PSD3: variants seen among roughly 807,000 people sequenced by gnomAD.
The protein encoded by PSD3 is PH and SEC7 domain-containing protein 3.
Under a neutral mutation model 105.5 loss-of-function variants are expected in PSD3, and 49 were observed. That is an observed-to-expected ratio of 0.46 (90% CI 0.37 to 0.59). PSD3 has a LOEUF of 0.59. PSD3 is among the 20% of genes least tolerant of loss of function. The pLI, the probability that PSD3 is intolerant of heterozygous loss-of-function variation, is 0.00. For missense variants in PSD3, 1,561 were observed against 1,263.8 expected (o/e 1.24, Z -3.57); for synonymous variants, 557 against 457.8 (o/e 1.22, Z -2.77).
At chr8:18,672,929 C>T (rs1473945259) in intron 9 of PSD3, among the ~76,000 whole-genome samples, 1 of 152,010 alleles carries the variant, frequency 6.6e-6, no homozygotes, top group Non-Finnish European at 1.5e-5. Flanking sequence ...TTATTCCAGT[C>T]TCGTATGTAC....
At chr8:18,672,361 C>T (rs1799833182) in intron 9 of PSD3, among the ~76,000 whole-genome samples, 1 of 151,986 alleles carries the variant, frequency 6.6e-6, no homozygotes, top group South Asian at 2.1e-4. Flanking sequence ...AAAACAATCC[C>T]TGGGGGACTT....
chr8:18,659,379 A>C (rs1457903546), intron 9 of PSD3, among the ~76,000 whole-genome samples: 1 of 152,262 alleles, frequency 6.6e-6, no homozygotes, highest in African/African-American at 2.4e-5. Flanking sequence ...AAGAACCAAC[A>C]AAATGGGATT....
rs776300378 is a variant in PSD3 at position 18,871,990 on chromosome 8, G to A, written c.874C>T (p.Arg292Cys). 25 of 1,613,938 alleles carry A rather than the reference G, an allele frequency of 1.5e-5. No homozygotes were observed. The highest frequency in any genetic ancestry group is 6.7e-5 in the East Asian group (3 of 44,860). Reference protein sequence around the residue: ...GGCDRSSSMGRPGRVKHVEFQ... With the variant: ...GGCDRSSSMGCPGRVKHVEFQ... Reference sequence around the variant, plus strand: ...TCCACATGTTTGACCCGGCCTGGGCGTCCCATGGAGCTGCTTCGATCACAT... The same window carrying A: ...TCCACATGTTTGACCCGGCCTGGGCATCCCATGGAGCTGCTTCGATCACAT... The change falls in exon 3 of 16, where the codon CGC (arginine) becomes TGC (cysteine). Residue 292 changes from arginine (R) to cysteine (C), a missense_variant. Coordinates refer to ENST00000327040, the MANE Select transcript of PSD3 (RefSeq NM_015310.4).
At chr8:18,640,747 G>C (rs1807586434) in intron 10 of PSD3, among the ~76,000 whole-genome samples, 1 of 152,198 alleles carries the variant, frequency 6.6e-6, no homozygotes, top group Non-Finnish European at 1.5e-5. Flanking sequence ...GAAGATGGCA[G>C]AAGAAAGCCC....
intron 4 of PSD3, among the ~76,000 whole-genome samples, chr8:18,839,110 C>T (rs753608711): frequency 6.6e-6 from 1 of 151,890 alleles, no homozygotes; most frequent in Admixed American, 6.6e-5. Context: ...AGCTCTCTCC[C>T]AAACAGCCAG....
At chr8:18,848,341 G>C (rs1372626301) in intron 4 of PSD3, among the ~76,000 whole-genome samples, 1 of 152,160 alleles carries the variant, frequency 6.6e-6, no homozygotes, top group Non-Finnish European at 1.5e-5. Context: ...ATACTGCGTA[G>C]GGCAACCCCA....
chr8:18,673,030 A>G (rs1799870900), intron 9 of PSD3, among the ~76,000 whole-genome samples: 1 of 152,212 alleles, frequency 6.6e-6, no homozygotes. Flanking sequence ...AAAATTACTA[A>G]AAGGTATGTA....
intron 8 of PSD3, among the ~76,000 whole-genome samples, chr8:18,766,437 A>G (rs959280757): frequency 1.3e-5 from 2 of 152,232 alleles, no homozygotes; most frequent in Non-Finnish European, 2.9e-5. Flanking sequence ...ATTAAATATA[A>G]ATAGCAAACT....
chr8:18,534,741 A>G lies in PSD3; in HGVS notation c.*1002T>C, dbSNP rs1799763624. The G allele has an allele frequency of 6.6e-6, 1 of 152,480 alleles. No individual in the cohort carries two copies. The highest frequency in any genetic ancestry group is 1.9e-4 in the East Asian group (1 of 5,188). 9.4% of individuals were successfully genotyped at this position (152,480 alleles called of 1,614,324 possible). On this transcript the variant is annotated 3_prime_UTR_variant, in exon 16 of 16. Coordinates refer to ENST00000327040, the MANE Select transcript of PSD3 (RefSeq NM_015310.4). ...GACACAAGAAAAGCTGTTTCATTTT[A>G]GTATTAATTTGTTAGGAAGGAAGAC...
chr8:18,982,917 G>T (rs1037840044), intron 1 of PSD3, among the ~76,000 whole-genome samples: 1 of 152,202 alleles, frequency 6.6e-6, no homozygotes, highest in African/African-American at 2.4e-5. Flanking sequence ...CCTAACAAGA[G>T]TCAGCCTGTC....
chr8:18,785,341 A>G (rs1210477286), intron 8 of PSD3, among the ~76,000 whole-genome samples: 1 of 152,168 alleles, frequency 6.6e-6, no homozygotes. Context: ...CTGCTCCACC[A>G]AGCATTTTAG....
At chr8:19,032,744 A>G (rs555912553) in intron 1 of PSD3, among the ~76,000 whole-genome samples, 1 of 152,226 alleles carries the variant, frequency 6.6e-6, no homozygotes, top group African/African-American at 2.4e-5. Flanking sequence ...GTAGGAAAAT[A>G]TTTCCAAAGA....
chr8:18,838,649 A>C (rs1362732948), intron 4 of PSD3, among the ~76,000 whole-genome samples: 1 of 151,544 alleles, frequency 6.6e-6, no homozygotes, highest in African/African-American at 2.4e-5. Flanking sequence ...AAAATACAAA[A>C]AATTAGCCGG....
intron 2 of PSD3, among the ~76,000 whole-genome samples, chr8:18,878,587 C>G (rs771298127): frequency 3.5e-4 from 53 of 152,158 alleles, no homozygotes; most frequent in Non-Finnish European, 7.1e-4. Context: ...GCTCCTTTGC[C>G]TTTGTTCAAC....
chr8:19,050,546 T>C (rs1443277753), intron 1 of PSD3, among the ~76,000 whole-genome samples: 3 of 152,102 alleles, frequency 2.0e-5, no homozygotes, highest in African/African-American at 7.2e-5. Context: ...GGGACATGGA[T>C]GAAATTGGAA....
At chr8:18,617,189 A>G (rs1805756135) in intron 11 of PSD3, among the ~76,000 whole-genome samples, 1 of 152,128 alleles carries the variant, frequency 6.6e-6, no homozygotes, top group African/African-American at 2.4e-5. Flanking sequence ...TCATTTTACT[A>G]TGTACACACA....
intron 1 of PSD3, among the ~76,000 whole-genome samples, chr8:19,047,325 G>C (rs527558771): frequency 2.6e-5 from 4 of 152,288 alleles, no homozygotes; most frequent in Admixed American, 2.0e-4. Context: ...GCATTGTATA[G>C]ATTTCACCGC....
chr8:18,662,237 T>C (rs1016113547), intron 9 of PSD3, among the ~76,000 whole-genome samples: 1 of 152,208 alleles, frequency 6.6e-6, no homozygotes, highest in Non-Finnish European at 1.5e-5. Context: ...TTAATATGTA[T>C]AATTCATCAT....
At chr8:18,662,299 C>G (rs1290879559) in intron 9 of PSD3, among the ~76,000 whole-genome samples, 1 of 152,162 alleles carries the variant, frequency 6.6e-6, no homozygotes, top group South Asian at 2.1e-4. Context: ...ATGCTAGGTA[C>G]AGATGAATCT....
Sources: gnomAD v4.1 joint callset for allele counts (sites outside exome capture counted in the v4.1 genomes callset) on GRCh38, gnomAD v4.1.1 for gene constraint, MANE v1.5 for transcripts, NCBI Gene and HGNC (gene_info 2026-07-23, HGNC 2026-07-21) for gene names.